ROBO2: variants seen among roughly 807,000 people sequenced by gnomAD.
ROBO2 encodes the protein roundabout guidance receptor 2.
In ROBO2, 53 loss-of-function variants were observed where a neutral mutation model predicts 160.8. The ratio of observed to expected loss-of-function variants is 0.33; its 90% CI spans 0.26 to 0.41. The LOEUF (loss-of-function observed/expected upper bound fraction) is 0.41. Ranked by LOEUF, ROBO2 falls within the 10% of genes least tolerant of loss-of-function variation. ROBO2 has a pLI of 1.00. For missense variants in ROBO2, 1,577 were observed against 1,722.4 expected, an observed-to-expected ratio of 0.92 and a Z score of 1.49; for synonymous variants, 664 against 611.7, an observed-to-expected ratio of 1.09 and a Z score of -1.26.
chr3:75,916,262 T>G (rs1946804365), intron 1 of ROBO2, among the ~76,000 whole-genome samples: 1 of 152,226 alleles, frequency 6.6e-6, no homozygotes, highest in African/African-American at 2.4e-5. Flanking sequence ...CTAATAGCTT[T>G]TTTCTTTCAC....
chr3:77,340,795 T>C (rs1388497750), intron 2 of ROBO2, among the ~76,000 whole-genome samples: 1 of 152,108 alleles, frequency 6.6e-6, no homozygotes, highest in African/African-American at 2.4e-5. Flanking sequence ...TACCCAGGTA[T>C]AAGAAAGCAT....
At chr3:77,563,133 C>T in intron 10 of ROBO2, 34 bp from the exon 12 acceptor site, 2 of 1,608,136 alleles carry the variant, frequency 1.2e-6, no homozygotes, top group East Asian at 2.2e-5. Context: ...CTTATGCAAT[C>T]AGGAATGAAG....
chr3:76,446,493 C>A (rs1447176484), intron 2 of ROBO2, among the ~76,000 whole-genome samples: 3 of 152,086 alleles, frequency 2.0e-5, no homozygotes, highest in African/African-American at 7.2e-5. Flanking sequence ...TCAATGCCAT[C>A]CCCATCAAGC....
chr3:76,291,722 C>T (rs1026229414), intron 2 of ROBO2, among the ~76,000 whole-genome samples: 5 of 152,046 alleles, frequency 3.3e-5, no homozygotes, highest in Non-Finnish European at 5.9e-5. Context: ...ATAATACCTT[C>T]ATTTTCATTA....
chr3:76,400,924 T>G (rs2077776612), intron 2 of ROBO2, among the ~76,000 whole-genome samples: 1 of 151,576 alleles, frequency 6.6e-6, no homozygotes, highest in Non-Finnish European at 1.5e-5. Flanking sequence ...TTCAGGATTA[T>G]TTTTTATTGT....
chr3:76,917,347 G>A (rs1441152384), intron 2 of ROBO2, among the ~76,000 whole-genome samples: 1 of 152,118 alleles, frequency 6.6e-6, no homozygotes, highest in African/African-American at 2.4e-5. Context: ...AGAGGATTCA[G>A]AAATTGCAAT....
chr3:75,932,368 A>G (rs1159681793), intron 1 of ROBO2, among the ~76,000 whole-genome samples: 2 of 152,200 alleles, frequency 1.3e-5, no homozygotes, highest in Non-Finnish European at 2.9e-5. Flanking sequence ...TTTCATTCAG[A>G]TCAGAAAAAC....
chr3:76,073,328 C>G (rs1371824404), intron 2 of ROBO2, among the ~76,000 whole-genome samples: 5 of 103,834 alleles, frequency 4.8e-5, no homozygotes, highest in African/African-American at 1.9e-4. Flanking sequence ...GAGTCTCGCT[C>G]TGTCACCCAG....
chr3:77,471,643 G>T (rs2083358522), intron 2 of ROBO2, among the ~76,000 whole-genome samples: 1 of 152,176 alleles, frequency 6.6e-6, no homozygotes. Context: ...GAAATACACT[G>T]ACAATAGACA....
At chr3:77,290,806 CAGACAT>C (rs2061117743) in intron 2 of ROBO2, among the ~76,000 whole-genome samples, 1 of 85,220 alleles carries the variant, frequency 1.2e-5, no homozygotes, top group Non-Finnish European at 2.6e-5. Flanking sequence ...TAGATCACCC[CAGACAT>C]AAAGTAAAAT....
At chr3:76,922,395 A>C in intron 2 of ROBO2, among the ~76,000 whole-genome samples, 1 of 152,218 alleles carries the variant, frequency 6.6e-6, no homozygotes, top group East Asian at 1.9e-4. Context: ...TCTACCCTTC[A>C]GCCAACCAAG....
In ROBO2 at chr3:77,499,712, G is replaced by A. The variant is rs1582488637; in HGVS notation, c.806+6330G>A. ...CACCCATGCTGGAGTGCAGTGGCAC[G>A]ATCCCGCCTCACTGCACCCTCCACC... On this transcript the variant is annotated intron_variant, in intron 5 of 25. Coordinates refer to ENST00000461745, the Ensembl canonical transcript of ROBO2. Among the ~76,000 whole-genome samples, 4 of 146,118 alleles carry A rather than the reference G, an allele frequency of 2.7e-5. No individual in the cohort carries two copies. In the Middle Eastern group the frequency reaches 0.011, roughly 412 times the overall value.
chr3:76,440,048 A>G (rs2076853175), intron 2 of ROBO2, among the ~76,000 whole-genome samples: 1 of 152,058 alleles, frequency 6.6e-6, no homozygotes, highest in African/African-American at 2.4e-5. Flanking sequence ...GGGAGCTTCT[A>G]CATTTGCATT....
chr3:76,140,027 T>C (rs1465995331), intron 2 of ROBO2, among the ~76,000 whole-genome samples: 1 of 152,096 alleles, frequency 6.6e-6, no homozygotes, highest in Non-Finnish European at 1.5e-5. Context: ...TTGGTATAAA[T>C]AGCCAACTGA....
chr3:76,681,247 A>G (rs928330977), intron 2 of ROBO2, among the ~76,000 whole-genome samples: 2 of 152,300 alleles, frequency 1.3e-5, no homozygotes, highest in Non-Finnish European at 1.5e-5. Context: ...ACTATAAAGT[A>G]TCGTCTGTTG....
At chr3:77,067,740 C>A (rs964786455) in intron 1 of ROBO2, among the ~76,000 whole-genome samples, 16 of 151,978 alleles carry the variant, frequency 1.1e-4, no homozygotes, top group Admixed American at 3.9e-4. Flanking sequence ...AAACAGTAGA[C>A]GCAGACCTTC....
intron 2 of ROBO2, among the ~76,000 whole-genome samples, chr3:76,491,296 C>T (rs920783417): frequency 5.9e-5 from 9 of 152,174 alleles, no homozygotes; most frequent in African/African-American, 1.7e-4. Flanking sequence ...TCACATCAGC[C>T]GTAGAGCATA....
chr3:77,217,169 G>A (rs1281584578), intron 2 of ROBO2, among the ~76,000 whole-genome samples: 1 of 148,818 alleles, frequency 6.7e-6, no homozygotes, highest in Non-Finnish European at 1.5e-5. Flanking sequence ...CTTTTCTGGA[G>A]TCTCACTCTG....
At chr3:76,260,913 A>G (rs1037362450) in intron 2 of ROBO2, among the ~76,000 whole-genome samples, 1 of 151,968 alleles carries the variant, frequency 6.6e-6, no homozygotes, top group Non-Finnish European at 1.5e-5. Context: ...CCTGTTTCCA[A>G]TTTTTTCCCA....
Sources: gnomAD v4.1 joint callset for allele counts (sites outside exome capture counted in the v4.1 genomes callset) on GRCh38, gnomAD v4.1.1 for gene constraint, MANE v1.5 for transcripts, NCBI Gene and HGNC (gene_info 2026-07-23, HGNC 2026-07-21) for gene names.